Variants in SATL1 observed in about 807,000 individuals in gnomAD.
SATL1 encodes spermidine/spermine N(1)-acetyltransferase-like protein 1.
SATL1 carries 47 observed loss-of-function variants against 51.8 expected under a neutral mutation model. That is an observed-to-expected ratio of 0.91 (90% confidence interval 0.72 to 1.16). SATL1 has a LOEUF of 1.16. Among genes scored for constraint, SATL1 ranks in the 50% most tolerant of loss-of-function variants. The pLI is 0.00. For synonymous variants in SATL1, 176 were observed against 182.4 expected, an observed-to-expected ratio of 0.97 and a Z score of 0.28; for missense variants, 520 against 526.4, an observed-to-expected ratio of 0.99 and a Z score of 0.12.
chrX:85,162,217 G>T (rs1193135593), intron 2 of SATL1, among the ~76,000 whole-genome samples: 1 of 111,286 alleles, frequency 9.0e-6, no homozygotes, highest in African/African-American at 3.3e-5. Context: ...AGTTAGAAAG[G>T]TCTCATGTTA....
Position 85,159,956 on chromosome X carries a change from G to A in SATL1, c.-312-50676C>T, listed in dbSNP as rs962697114. Among the ~76,000 whole-genome samples the A allele has an allele frequency of 9.0e-5, 10 of 111,425 alleles. No homozygotes were observed. In the South Asian group the frequency reaches 1.5e-3, roughly 17 times the overall value. On this transcript the variant is annotated intron_variant, in intron 2 of 7. Transcript: ENST00000644105. ...TGGCGTTCTGGGACCAGCAGGTCGGGAGCACATAGGCCCCCACCATCACAG... is the reference window on the plus strand; with the variant it reads ...TGGCGTTCTGGGACCAGCAGGTCGGAAGCACATAGGCCCCCACCATCACAG...
At chrX:85,190,405 TG>T (rs1328312451) in intron 2 of SATL1, among the ~76,000 whole-genome samples, 1 of 111,719 alleles carries the variant, frequency 9.0e-6, no homozygotes, top group Non-Finnish European at 1.9e-5. Flanking sequence ...ATAAAGGCTA[TG>T]GTCCTATTTT....
intron 2 of SATL1, among the ~76,000 whole-genome samples, chrX:85,220,713 A>AAAGT (rs2147760853): frequency 1.0e-5 from 1 of 100,494 alleles, no homozygotes; most frequent in African/African-American, 3.6e-5. Context: ...GATGCATCAC[A>AAAGT]CAGTGTCCTA....
At chrX:85,199,651 T>C (rs1308239860) in intron 2 of SATL1, among the ~76,000 whole-genome samples, 1 of 112,187 alleles carries the variant, frequency 8.9e-6, no homozygotes, top group Non-Finnish European at 1.9e-5. Flanking sequence ...GATATCATTA[T>C]GTTAAGTGAA....
rs761016002 is a variant in SATL1, at chrX:85,107,692, G to T, written c.1277C>A (p.Pro426Gln). The T allele has an allele frequency of 8.3e-7, 1 of 1,209,908 alleles. No individual in the cohort carries two copies. Among genetic ancestry groups the T allele is most frequent in the African/African-American group, 1.7e-5 (1 of 57,398 alleles). Residue 426 changes from proline to glutamine, a missense_variant, in exon 3 of 8, where the codon CCG (proline) becomes CAG (glutamine). By Grantham distance (76) the Pro-to-Gln change is moderately conservative. Around this residue, in one of 3 missense-constraint regions of SATL1, gnomAD observed 488 missense variants for 474.3 expected, o/e 1.03. Coordinates refer to ENST00000644105, the MANE Select transcript of SATL1 (RefSeq NM_001367857.2). ...TWQTGLSQPV[P>Q]RQPNKSPPGM... ...TGGTGGACTCTTGTTTGGTTGCCTC[G>T]GGACTGGTTGGCTCAGGCCTGTTTG...
chrX:85,113,008 C>T (rs1350076202), intron 2 of SATL1, among the ~76,000 whole-genome samples: 2 of 110,968 alleles, frequency 1.8e-5, no homozygotes, highest in Non-Finnish European at 1.9e-5. Context: ...CTTCCTTTTT[C>T]CTTCTGACAG....
At chrX:85,234,280 T>A (rs753618893) in intron 1 of SATL1, among the ~76,000 whole-genome samples, 1 of 112,064 alleles carries the variant, frequency 8.9e-6, no homozygotes, top group South Asian at 3.7e-4. Context: ...GCCAGGTCTG[T>A]CCTACAAGAA....
intron 2 of SATL1, among the ~76,000 whole-genome samples, chrX:85,131,246 G>A (rs928621929): frequency 9.0e-6 from 1 of 111,470 alleles, no homozygotes; most frequent in Non-Finnish European, 1.9e-5. Flanking sequence ...TGACAGTGGG[G>A]TGTTAAAGTC....
At chrX:85,217,997 A>C (rs1028771148) in intron 2 of SATL1, among the ~76,000 whole-genome samples, 1 of 111,859 alleles carries the variant, frequency 8.9e-6, no homozygotes, top group African/African-American at 3.2e-5. Flanking sequence ...CATTATCCTA[A>C]GCAAACTAAT....
chrX:85,163,885 C>T (rs894559648), intron 2 of SATL1, among the ~76,000 whole-genome samples: 4 of 111,779 alleles, frequency 3.6e-5, no homozygotes, highest in South Asian at 3.7e-4. Context: ...TATTGTCTTG[C>T]GGTCTGTCGC....
At chrX:85,240,364 C>T (rs1928566797) in intron 1 of SATL1, among the ~76,000 whole-genome samples, 1 of 111,662 alleles carries the variant, frequency 9.0e-6, no homozygotes, top group East Asian at 2.8e-4. Context: ...GCCTGAACTC[C>T]TTAATAAACT....
intron 2 of SATL1, among the ~76,000 whole-genome samples, chrX:85,151,239 C>T (rs1926425975): frequency 9.1e-6 from 1 of 110,132 alleles, no homozygotes. Flanking sequence ...GAATAAAATA[C>T]CTAGGAATCC....
chrX:85,211,912 G>A (rs916337102), intron 2 of SATL1: 3 of 111,554 alleles, frequency 2.7e-5, no homozygotes, highest in Admixed American at 9.6e-5. Flanking sequence ...TTAAAGATTA[G>A]AATGTAGAAT....
intron 2 of SATL1, among the ~76,000 whole-genome samples, chrX:85,120,571 A>C (rs1028979456): frequency 2.2e-4 from 25 of 111,824 alleles, no homozygotes; most frequent in African/African-American, 7.8e-4. Context: ...AGTTTATGTT[A>C]ATGGTGGTTG....
At chrX:85,117,381 G>T (rs1925403418) in intron 2 of SATL1, 1 of 111,766 alleles carries the variant, frequency 8.9e-6, no homozygotes, top group Non-Finnish European at 1.9e-5. Context: ...TTTGCCACTG[G>T]TAACAACTCC....
intron 2 of SATL1, among the ~76,000 whole-genome samples, chrX:85,147,721 G>A (rs1291249221): frequency 8.9e-6 from 1 of 112,175 alleles, no homozygotes; most frequent in Non-Finnish European, 1.9e-5. Flanking sequence ...AGGGTCTGGA[G>A]TGGACCTCTA....
chrX:85,208,427 T>G (rs748362929), intron 2 of SATL1, among the ~76,000 whole-genome samples: 2 of 111,580 alleles, frequency 1.8e-5, no homozygotes, highest in Non-Finnish European at 3.8e-5. Context: ...GTAATAGGGT[T>G]GCCGGGCCAA....
intron 2 of SATL1, among the ~76,000 whole-genome samples, chrX:85,186,757 T>A (rs1927321546): frequency 8.9e-6 from 1 of 111,755 alleles, no homozygotes; most frequent in Non-Finnish European, 1.9e-5. Flanking sequence ...CTTACCCTCT[T>A]TAGTGCCTCT....
At chrX:85,095,959 G>T (rs1924709369) in intron 4 of SATL1, among the ~76,000 whole-genome samples, 1 of 109,529 alleles carries the variant, frequency 9.1e-6, no homozygotes, top group Non-Finnish European at 1.9e-5. Flanking sequence ...AAATCCTGGG[G>T]AAAAAGGAGA....
Sources: gnomAD v4.1 joint callset for allele counts (sites outside exome capture counted in the v4.1 genomes callset) on GRCh38, gnomAD v4.1.1 for gene constraint, gnomAD v4.1.1 regional missense constraint, MANE v1.5 for transcripts, NCBI Gene and HGNC (gene_info 2026-07-23, HGNC 2026-07-21) for gene names.